Variants in PRKD3 observed in about 807,000 individuals in gnomAD.
PRKD3 encodes the protein protein kinase D3, also known as serine/threonine-protein kinase D3.
PRKD3 carries 47 observed loss-of-function variants against 99.2 expected under a neutral mutation model. The observed-to-expected ratio is 0.47, with a 90% CI of 0.38 to 0.60. The LOEUF is 0.60. PRKD3 is among the 20% of genes least tolerant of loss of function. The pLI, the probability that PRKD3 is intolerant of heterozygous loss-of-function variation, is 0.00. For synonymous variants in PRKD3, 392 were observed against 355.4 expected (o/e 1.10, Z -1.16); for missense variants, 1,019 against 1,088.4 (o/e 0.94, Z 0.90).
At chr2:37,262,537 G>T (rs72863134) in intron 14 of PRKD3, among the ~76,000 whole-genome samples, 2,294 of 152,252 alleles carry the variant, frequency 0.015, 40 homozygotes, top group African/African-American at 0.043. Flanking sequence ...TTTTATAGTA[G>T]ATAAATGAAA....
chr2:37,282,958 C>T (rs77312986), intron 6 of PRKD3, among the ~76,000 whole-genome samples: 3 of 152,108 alleles, frequency 2.0e-5, no homozygotes, highest in Non-Finnish European at 4.4e-5. Flanking sequence ...ACTTTCAATT[C>T]CTAAGAATCA....
At chr2:37,285,825 C>T (rs10177970) in intron 6 of PRKD3, among the ~76,000 whole-genome samples, 106,791 of 151,924 alleles carry the variant, frequency 0.7, 38,154 homozygotes, top group East Asian at 0.98. Context: ...ACTCCTATTA[C>T]TACTAACTCC....
intron 1 of PRKD3, among the ~76,000 whole-genome samples, chr2:37,320,828 AATTT>A (rs1336548926): frequency 1.1e-4 from 16 of 152,216 alleles, no homozygotes; most frequent in African/African-American, 3.1e-4. Context: ...TAATACAACT[AATTT>A]ATCAGAACAA....
intron 17 of PRKD3, 35 bp from the exon 18 acceptor site, chr2:37,254,324 G>C: frequency 6.4e-7 from 1 of 1,551,884 alleles, no homozygotes; most frequent in Non-Finnish European, 8.9e-7. Context: ...ACATGAATTT[G>C]GGTGCACAGA....
chr2:37,271,577 G>A (rs538782707), intron 12 of PRKD3, among the ~76,000 whole-genome samples: 11 of 152,280 alleles, frequency 7.2e-5, no homozygotes, highest in Non-Finnish European at 1.3e-4. Flanking sequence ...CACAGCAGGT[G>A]AGCAGCAGGT....
At chr2:37,267,720 A>G (rs1668942026) in intron 13 of PRKD3, 184 bp from the exon 14 acceptor site, 3 of 527,522 alleles carry the variant, frequency 5.7e-6, no homozygotes, top group Admixed American at 3.7e-5. Flanking sequence ...TCCATACATA[A>G]TATTTGCCCC....
chr2:37,324,105 G>T (rs1672002813), intron 1 of PRKD3: 3 of 901,070 alleles, frequency 3.3e-6, no homozygotes, highest in Non-Finnish European at 4.0e-6. Context: ...TCCCAGGAGG[G>T]AGCAACTCGG....
At chr2:37,275,937 T>G in intron 9 of PRKD3, 93 bp from the exon 10 acceptor site, 1 of 1,423,356 alleles carries the variant, frequency 7.0e-7, no homozygotes, top group East Asian at 2.6e-5. Context: ...ATTCATAAAT[T>G]TGTATTTTTG....
chr2:37,260,248 C>G lies in PRKD3; in HGVS notation c.2021G>C (p.Arg674Pro). ...CTGTGTGACCATGAATTTAGTAATT[C>G]GTTCTGGAAGCCGACTTTTCTCACT... ...LSSEKSRLPE[R>P]ITKFMVTQIL... is the part of the protein sequence containing the mutation. Residue 674 changes from arginine to proline, a missense_variant, in exon 15 of 19, where the codon CGA becomes CCA. Arg to Pro is a moderately radical substitution (Grantham distance 103). Coordinates refer to ENST00000234179, the MANE Select transcript of PRKD3 (RefSeq NM_005813.6). The G allele has an allele frequency of 2.5e-6, 4 of 1,610,820 alleles. No homozygotes were observed. Among genetic ancestry groups the G allele is most frequent in the Non-Finnish European group, 3.4e-6 (4 of 1,177,900 alleles).
At chr2:37,272,470 AAT>A in intron 11 of PRKD3, 38 bp from the exon 12 acceptor site, 1 of 1,570,992 alleles carries the variant, frequency 6.4e-7, no homozygotes, top group Non-Finnish European at 8.6e-7. Context: ...AGTATATGAC[AAT>A]ATTATTAATC....
chr2:37,312,332 G>C (rs904643701), intron 2 of PRKD3, among the ~76,000 whole-genome samples: 1 of 152,140 alleles, frequency 6.6e-6, no homozygotes, highest in African/African-American at 2.4e-5. Flanking sequence ...CAAGGAGCTT[G>C]GTTCACACCC....
At chr2:37,256,475 GAC>G (rs2148480597) in intron 17 of PRKD3, among the ~76,000 whole-genome samples, 185 bp downstream of exon 17, 1 of 152,154 alleles carries the variant, frequency 6.6e-6, no homozygotes, top group African/African-American at 2.4e-5. Context: ...CTATACAGAA[GAC>G]ACAGATAAAA....
Position 37,279,746 on chromosome 2 carries a change from CTGATTGTTT to C in PRKD3, c.1163_1171del (p.Lys388_Ile390del), listed in dbSNP as rs1345650368. ...AGCTTGTAATATGTATATATATTACCTGATTGTTTTAACGGCTTCTTCATCTCTTTCCAC... is the reference window on the plus strand; with the variant it reads ...AGCTTGTAATATGTATATATATTACCTAACGGCTTCTTCATCTCTTTCCAC... On this transcript the variant is annotated inframe_deletion and splice_region_variant, in exon 8 of 19. Coordinates refer to ENST00000234179, the MANE Select transcript of PRKD3 (RefSeq NM_005813.6). The C allele has an allele frequency of 6.2e-7, 1 of 1,610,820 alleles. No homozygotes were observed. Among genetic ancestry groups the C allele is most frequent in the Non-Finnish European group, 8.5e-7 (1 of 1,178,642 alleles).
At chr2:37,259,291 C>G (rs900670018) in intron 16 of PRKD3, among the ~76,000 whole-genome samples, 2 of 152,204 alleles carry the variant, frequency 1.3e-5, no homozygotes, top group Non-Finnish European at 2.9e-5. Flanking sequence ...TCCTAAGTAC[C>G]ATGCACCAAC....
At chr2:37,304,258 T>C (rs1558572577) in intron 2 of PRKD3, among the ~76,000 whole-genome samples, 3 of 150,296 alleles carry the variant, frequency 2.0e-5, no homozygotes, top group Admixed American at 2.0e-4. Flanking sequence ...ACTAATAAAT[T>C]ACACAGAAAC....
At chr2:37,297,704 C>G (rs548617965) in intron 2 of PRKD3, among the ~76,000 whole-genome samples, 1 of 152,224 alleles carries the variant, frequency 6.6e-6, no homozygotes, top group East Asian at 1.9e-4. Context: ...GGAGGCCTTT[C>G]TACTGGAATT....
chr2:37,259,567 C>A lies in PRKD3; in HGVS notation c.2145+16G>T. ...TGTTGCCAGAATCATTTAAAAGGTTCTGGAGAATATCTCACCTGAGGAAAT... is the reference window on the plus strand; with the variant it reads ...TGTTGCCAGAATCATTTAAAAGGTTATGGAGAATATCTCACCTGAGGAAAT... On this transcript the variant is annotated intron_variant, in intron 16 of 18. Coordinates refer to ENST00000234179, the MANE Select transcript of PRKD3 (RefSeq NM_005813.6). 2 of 1,585,598 alleles carry A rather than the reference C, an allele frequency of 1.3e-6. No homozygotes were observed. Among genetic ancestry groups the A allele is most frequent in the Non-Finnish European group, 1.7e-6 (2 of 1,156,106 alleles).
chr2:37,282,853 A>G (rs764433445), intron 6 of PRKD3, among the ~76,000 whole-genome samples: 5 of 152,208 alleles, frequency 3.3e-5, no homozygotes, highest in Non-Finnish European at 5.9e-5. Context: ...TGGCAGCTCC[A>G]TATTTCCTTC....
chr2:37,307,212 A>T (rs1185921794), intron 2 of PRKD3, among the ~76,000 whole-genome samples: 1 of 152,234 alleles, frequency 6.6e-6, no homozygotes, highest in East Asian at 1.9e-4. Context: ...ACTTGATCTT[A>T]TATATTAAAA....
Sources: gnomAD v4.1 joint callset for allele counts (sites outside exome capture counted in the v4.1 genomes callset) on GRCh38, gnomAD v4.1.1 for gene constraint, MANE v1.5 for transcripts, NCBI Gene and HGNC (gene_info 2026-07-23, HGNC 2026-07-21) for gene names.